Variants in ZNF346 observed in about 807,000 individuals in gnomAD.
ZNF346 encodes double-stranded RNA-binding zinc finger protein JAZ.
ZNF346 carries 23 observed loss-of-function variants against 33.7 expected under a neutral mutation model. The observed-to-expected ratio is 0.68, with a 90% confidence interval of 0.49 to 0.97. The LOEUF (loss-of-function observed/expected upper bound fraction) is 0.97. Ranked by LOEUF, ZNF346 falls within the 50% of genes least tolerant of loss-of-function variation. ZNF346 has a pLI of 0.00. For missense variants in ZNF346, 340 were observed against 371.1 expected, an observed-to-expected ratio of 0.92 and a Z score of 0.69; for synonymous variants, 134 against 142.4, an observed-to-expected ratio of 0.94 and a Z score of 0.42.
At chr5:177,063,623 T>C (rs1326491160) in intron 6 of ZNF346, among the ~76,000 whole-genome samples, 1 of 151,502 alleles carries the variant, frequency 6.6e-6, no homozygotes, top group Admixed American at 6.6e-5. Context: ...AAATTGCCAG[T>C]GTTGTTCGCT....
chr5:177,059,923 A>C (rs1272347979), intron 5 of ZNF346, among the ~76,000 whole-genome samples: 1 of 152,182 alleles, frequency 6.6e-6, no homozygotes, highest in Non-Finnish European at 1.5e-5. Context: ...AAAAAAGACA[A>C]ATGCAAGACT....
chr5:177,077,220 A>G lies in ZNF346; in HGVS notation c.*3-2162A>G, dbSNP rs903780542. 1.1e-4 allele frequency among the ~76,000 whole-genome samples: 17 copies of G among 152,364 alleles called. No homozygotes were observed. Among genetic ancestry groups the G allele is most frequent in the African/African-American group, 3.8e-4 (16 of 41,600 alleles). ...CATGGAAATTTATTAAAAGGTTTTA[A>G]ACAAATAGCAGTGAAAACAGGATGA... On this transcript the variant is annotated intron_variant, in intron 8 of 8. Transcript: ENST00000503039. This position sits in a 1 kb window ranked among gnomAD's most constrained non-coding sequence, Gnocchi z 5.0.
chr5:177,038,256 G>GTTT lies in ZNF346; in HGVS notation c.176-2860_176-2858dup, dbSNP rs748931641. 1.6e-3 allele frequency among the ~76,000 whole-genome samples: 210 copies of GTTT among 132,202 alleles called. 1 individual carries two copies. The highest frequency in any genetic ancestry group is 4.9e-3 in the East Asian group (21 of 4,246). The allele number at this position is 132,202 out of a possible 152,430, so 86.7% of individuals were successfully genotyped here. On this transcript the variant is annotated intron_variant, in intron 1 of 6. Transcript: ENST00000358149. ...GGCATGCGCCACCATGCCCAACTAC[G>GTTT]TTTTTTTTTTTTGTGTGTGTGTGTT...
At chr5:177,062,005 C>A in intron 5 of ZNF346, 53 bp from the exon 6 acceptor site, 2 of 1,500,098 alleles carry the variant, frequency 1.3e-6, no homozygotes, top group South Asian at 1.1e-5. Context: ...AAGCAACGGT[C>A]TTCAGGTTCC....
chr5:177,078,818 G>C (rs945718186), intron 8 of ZNF346, among the ~76,000 whole-genome samples: 52 of 152,236 alleles, frequency 3.4e-4, no homozygotes, highest in African/African-American at 1.2e-3. Flanking sequence ...GGCTGAGGCA[G>C]GAGAATCATC....
chr5:177,023,799 TC>T (rs1478420798), intron 1 of ZNF346, among the ~76,000 whole-genome samples: 5 of 152,102 alleles, frequency 3.3e-5, no homozygotes, highest in Non-Finnish European at 5.9e-5. Context: ...ATCAGATTTC[TC>T]CAGTGATTTG....
At chr5:177,079,035 C>G (rs1279955345) in intron 8 of ZNF346, among the ~76,000 whole-genome samples, 1 of 152,116 alleles carries the variant, frequency 6.6e-6, no homozygotes, top group Non-Finnish European at 1.5e-5. Flanking sequence ...CTTTGGGAGG[C>G]TGAGGCAGGT....
At chr5:177,043,260 A>G (rs79868674) in intron 3 of ZNF346, among the ~76,000 whole-genome samples, 3,986 of 152,144 alleles carry the variant, frequency 0.026, 83 homozygotes, top group Non-Finnish European at 0.044. Context: ...CAGGCTCCCA[A>G]AGTACCAGGA....
chr5:177,053,336 A>C (rs1013614708), intron 5 of ZNF346, among the ~76,000 whole-genome samples: 1 of 151,454 alleles, frequency 6.6e-6, no homozygotes, highest in Non-Finnish European at 1.5e-5. Context: ...AAAAAAAAAA[A>C]AACAGGGTCT....
chr5:177,062,870 G>GACC (rs952800644), intron 6 of ZNF346, among the ~76,000 whole-genome samples: 3 of 152,192 alleles, frequency 2.0e-5, no homozygotes, highest in African/African-American at 7.2e-5. Flanking sequence ...GTGGTGATGT[G>GACC]AATGAAGCAA....
chr5:177,056,426 T>C (rs549268175), intron 5 of ZNF346, among the ~76,000 whole-genome samples: 1 of 152,280 alleles, frequency 6.6e-6, no homozygotes, highest in African/African-American at 2.4e-5. Context: ...ACTGGGTATA[T>C]ACCCAAAGGA....
chr5:177,041,291 T>C, intron 2 of ZNF346, 62 bp downstream of exon 2: 1 of 1,372,288 alleles, frequency 7.3e-7, no homozygotes, highest in South Asian at 1.2e-5. Flanking sequence ...CCACTAATTC[T>C]CTCTGGCTTG....
chr5:177,068,486 G>A (rs561705208), downstream of ZNF346, among the ~76,000 whole-genome samples: 1 of 143,804 alleles, frequency 7.0e-6, no homozygotes, highest in Admixed American at 6.7e-5. Context: ...TCTCCAAGAG[G>A]TGCCAAGGTG....
At chr5:177,050,386 G>A (rs1416332714) in intron 4 of ZNF346, among the ~76,000 whole-genome samples, 2 of 152,240 alleles carry the variant, frequency 1.3e-5, no homozygotes, top group Non-Finnish European at 2.9e-5. Flanking sequence ...CTGCAAGAGT[G>A]CAAGTGTGCA....
In ZNF346 at chr5:177,077,766, A is replaced by T. The variant is rs1783821837; in HGVS notation, c.*3-1616A>T. Among the ~76,000 whole-genome samples, 1 of 152,190 alleles carries T rather than the reference A, an allele frequency of 6.6e-6. No homozygotes were observed. The highest frequency in any genetic ancestry group is 6.5e-5 in the Admixed American group (1 of 15,272). The stretch of plus-strand genomic sequence containing the variant: ...ACTGCTAGTAGGGGAGGACCACGAC[A>T]TCAAGAAAAGTTTGAGGGGTCGTTA... On this transcript the variant is annotated intron_variant, in intron 8 of 8. Coordinates refer to the ZNF346 transcript ENST00000503039. The surrounding 1 kb of genome is among the most constrained non-coding windows in gnomAD (Gnocchi z 5.0).
intron 1 of ZNF346, among the ~76,000 whole-genome samples, chr5:177,036,336 C>T (rs183416910): frequency 3.3e-5 from 5 of 152,222 alleles, no homozygotes; most frequent in African/African-American, 1.2e-4. Flanking sequence ...CAATTTGGTT[C>T]CCTTTTATAA....
chr5:177,071,624 G>A (rs1485574435), downstream of ZNF346, among the ~76,000 whole-genome samples: 3 of 150,966 alleles, frequency 2.0e-5, no homozygotes, highest in Non-Finnish European at 3.0e-5. Context: ...GGCGGAGCTT[G>A]CAGTGAGCTG....
rs1782997655 is a variant in ZNF346 at position 177,064,831 on chromosome 5, G to A, written c.*232G>A. On this transcript the variant is annotated 3_prime_UTR_variant, in exon 7 of 7. Transcript: ENST00000358149. ...GGGAGGCAAGGGTATTGAGAGACTC[G>A]GGGTCTCGCGGGGTGGTAGTTTGGA... 5.9e-6 allele frequency: 3 copies of A among 512,598 alleles called. No individual in the cohort carries two copies. The highest frequency in any genetic ancestry group is 6.6e-5 in the Admixed American group (2 of 30,170). 31.8% of individuals were successfully genotyped at this position (512,598 alleles called of 1,614,324 possible).
intron 1 of ZNF346, among the ~76,000 whole-genome samples, chr5:177,039,839 T>G (rs892233048): frequency 2.0e-5 from 3 of 152,102 alleles, no homozygotes; most frequent in African/African-American, 7.2e-5. Context: ...CTCTCCCAGT[T>G]TTAGACTCTG....
Sources: gnomAD v4.1 joint callset for allele counts (sites outside exome capture counted in the v4.1 genomes callset) on GRCh38, gnomAD v4.1.1 for gene constraint, Gnocchi (gnomAD v3.1) non-coding constraint, MANE v1.5 for transcripts, NCBI Gene and HGNC (gene_info 2026-07-23, HGNC 2026-07-21) for gene names.